Variants in ARB2A observed in about 807,000 individuals in gnomAD.
ARB2A encodes the protein ARB2 cotranscriptional regulator A.
At chr5:93,961,360 T>C in the ARB2A span, among the ~76,000 whole-genome samples, 1 of 152,204 alleles carries the variant, frequency 6.6e-6, no homozygotes, top group East Asian at 1.9e-4. Context: ...AGCAATGGAA[T>C]ACTGGCACTT....
At chr5:94,045,751 A>G in the ARB2A span, among the ~76,000 whole-genome samples, 57 of 152,332 alleles carry the variant, frequency 3.7e-4, no homozygotes, top group Admixed American at 5.9e-4. Context: ...TGTATTTTTT[A>G]AAAATGCAAT....
At chr5:93,860,878 C>T in the ARB2A span, 7 of 152,096 alleles carry the variant, frequency 4.6e-5, no homozygotes, top group Admixed American at 3.9e-4. Context: ...GATCTTCCGA[C>T]CTCATGATCC....
chr5:94,004,592 A>AG, the ARB2A span, among the ~76,000 whole-genome samples: 1 of 152,092 alleles, frequency 6.6e-6, no homozygotes, highest in East Asian at 1.9e-4. Context: ...AAAAAAAAAA[A>AG]AAAATTTTTT....
At chr5:94,007,977 T>G in the ARB2A span, among the ~76,000 whole-genome samples, 1 of 152,176 alleles carries the variant, frequency 6.6e-6, no homozygotes, top group Non-Finnish European at 1.5e-5. Flanking sequence ...GATATAAGTA[T>G]TAAATAAGTA....
At chr5:93,969,018 CTTTT>C in the ARB2A span, among the ~76,000 whole-genome samples, 3 of 113,206 alleles carry the variant, frequency 2.7e-5, no homozygotes, top group South Asian at 6.1e-4. Flanking sequence ...GAATTTTTTT[CTTTT>C]TTTTTTTTTT....
chr5:93,774,364 C>A, the ARB2A span, among the ~76,000 whole-genome samples: 2 of 152,192 alleles, frequency 1.3e-5, no homozygotes, highest in Non-Finnish European at 2.9e-5. Context: ...CTTAGGATGA[C>A]ATGCGTGTCA....
chr5:93,630,611 A>G, the ARB2A span, among the ~76,000 whole-genome samples: 1 of 152,070 alleles, frequency 6.6e-6, no homozygotes, highest in African/African-American at 2.4e-5. Flanking sequence ...GTGGTACAAG[A>G]GGGCGTAGTG....
At chr5:93,875,866 T>A in the ARB2A span, among the ~76,000 whole-genome samples, 1 of 150,796 alleles carries the variant, frequency 6.6e-6, no homozygotes, top group East Asian at 2.0e-4. Context: ...GGAAGCAAAA[T>A]CCGATATGAA....
At chr5:94,050,809 T>A in the ARB2A span, 2 of 1,611,776 alleles carry the variant, frequency 1.2e-6, no homozygotes, top group Non-Finnish European at 1.7e-6. Flanking sequence ...GTTCCCCAGT[T>A]TTTATGTGTC....
chr5:93,796,585 C>T, the ARB2A span, among the ~76,000 whole-genome samples: 1 of 152,134 alleles, frequency 6.6e-6, no homozygotes, highest in African/African-American at 2.4e-5. Context: ...CGAGGATCTC[C>T]AGATGGCTCT....
chr5:93,834,561 T>C, the ARB2A span, among the ~76,000 whole-genome samples: 1 of 152,208 alleles, frequency 6.6e-6, no homozygotes. Flanking sequence ...GAAAGCTAGA[T>C]TCCCATCATT....
At chr5:93,819,656 A>T in the ARB2A span, among the ~76,000 whole-genome samples, 1 of 152,230 alleles carries the variant, frequency 6.6e-6, no homozygotes, top group Non-Finnish European at 1.5e-5. Flanking sequence ...AATATAAATG[A>T]CACTTCTTTA....
the ARB2A span, among the ~76,000 whole-genome samples, chr5:93,996,907 T>C: frequency 1.3e-5 from 2 of 152,088 alleles, no homozygotes; most frequent in Non-Finnish European, 2.9e-5. Flanking sequence ...GTAATTCTTG[T>C]TCTCTGCCAG....
At chr5:93,745,846 TA>T in the ARB2A span, among the ~76,000 whole-genome samples, 2 of 151,828 alleles carry the variant, frequency 1.3e-5, no homozygotes, top group African/African-American at 4.8e-5. Context: ...CATTCTGGTG[TA>T]AAGGCATTGC....
chr5:94,048,611 C>T, the ARB2A span, among the ~76,000 whole-genome samples: 1 of 152,144 alleles, frequency 6.6e-6, no homozygotes, highest in East Asian at 1.9e-4. Context: ...ATCTCTTGCT[C>T]CTCAAATCCC....
chr5:94,092,679 A>G, the ARB2A span, among the ~76,000 whole-genome samples: 1 of 152,128 alleles, frequency 6.6e-6, no homozygotes, highest in Non-Finnish European at 1.5e-5. Context: ...TCTGTCCTAG[A>G]TTTTTCTATT....
chr5:93,815,081 A>C, the ARB2A span, among the ~76,000 whole-genome samples: 1 of 152,128 alleles, frequency 6.6e-6, no homozygotes, highest in Non-Finnish European at 1.5e-5. Context: ...GGCCTCAAGC[A>C]ATCCTCCTGC....
At chr5:94,067,038 T>C in the ARB2A span, among the ~76,000 whole-genome samples, 2 of 152,140 alleles carry the variant, frequency 1.3e-5, no homozygotes, top group South Asian at 4.1e-4. Flanking sequence ...GTTCAACATA[T>C]GCAAATCAAT....
chr5:93,629,177 G>C, the ARB2A span, among the ~76,000 whole-genome samples: 74 of 152,202 alleles, frequency 4.9e-4, 1 homozygote, highest in Non-Finnish European at 9.4e-4. Context: ...GAGAGGGTAA[G>C]AGACGGCGGA....
Sources: allele counts gnomAD v4.1 joint callset (sites outside exome capture counted in the v4.1 genomes callset), GRCh38; gene constraint gnomAD v4.1.1; transcripts MANE v1.5; gene names NCBI Gene and HGNC (gene_info 2026-07-23, HGNC 2026-07-21).